Variants in COL11A2 observed in about 807,000 individuals in gnomAD.
The protein encoded by COL11A2 is collagen alpha-2(XI) chain.
A neutral mutation model predicts 273.4 loss-of-function variants in COL11A2; 116 were observed. The observed-to-expected ratio is 0.42, with a 90% CI of 0.36 to 0.49. COL11A2 has a LOEUF of 0.49. Among genes scored for constraint, COL11A2 ranks in the 20% least tolerant of loss-of-function variants. The pLI, the probability that COL11A2 is intolerant of heterozygous loss-of-function variation, is 0.00. For synonymous variants in COL11A2, 782 were observed against 864.2 expected (o/e 0.90, Z 1.67); for missense variants, 1,866 against 2,309.0 (o/e 0.81, Z 3.93).
In COL11A2 at chr6:33,164,443, C is replaced by T; in HGVS notation, c.4894G>A (p.Val1632Met). The change falls in exon 65 of 66, where the codon GTG becomes ATG. Residue 1632 changes from valine to methionine, a missense_variant. Transcript: ENST00000341947. The surrounding 1 kb of genome is among the most constrained non-coding windows in gnomAD (Gnocchi z 4.7). ...AGGAAGGTGAGCTGGACCACACCCA[C>T]TGGGGAGCCCTCTGAGTCCACGTAA... ...FSYVDSEGSP[V>M]GVVQLTFLRL... is the part of the protein sequence containing the mutation. 6.3e-7 allele frequency: 1 copy of T among 1,575,996 alleles called. No individual in the cohort carries two copies. The highest frequency in any genetic ancestry group is 8.6e-7 in the Non-Finnish European group (1 of 1,160,086).
At chr6:33,172,687 T>C (rs1583317451) in intron 38 of COL11A2, 50 bp from the exon 39 acceptor site, 1 of 1,544,482 alleles carries the variant, frequency 6.5e-7, no homozygotes, top group Non-Finnish European at 8.9e-7. Flanking sequence ...CATCTCGCTG[T>C]CTGCCAGAAG....
In COL11A2 at chr6:33,164,576, G is replaced by T; in HGVS notation, c.4864-103C>A. Reference sequence around the variant, plus strand: ...GAGCATCTACGGCACCAGGACAGCTGAGCCAGAGTCATGAGCAGGGAATGG... The same window carrying T: ...GAGCATCTACGGCACCAGGACAGCTTAGCCAGAGTCATGAGCAGGGAATGG... On this transcript the variant is annotated intron_variant, in intron 64 of 65. Coordinates refer to ENST00000341947, the MANE Select transcript of COL11A2 (RefSeq NM_080680.3). This position sits in a 1 kb window ranked among gnomAD's most constrained non-coding sequence, Gnocchi z 4.7. The T allele has an allele frequency of 9.9e-7, 1 of 1,012,802 alleles. No individual in the cohort carries two copies. 62.7% of individuals were successfully genotyped at this position (1,012,802 alleles called of 1,614,324 possible).
Position 33,173,826 on chromosome 6 carries a change from G to A in COL11A2, c.2583+47C>T, listed in dbSNP as rs779799467. ...AGGTCAGGATGTTGAGGGAGAGCTG[G>A]GGCTGAGTGGGCAGGGGGCAGTTGG... is the stretch of plus-strand genomic sequence containing the variant. On this transcript the variant is annotated intron_variant, in intron 34 of 65. Transcript: ENST00000341947. This position sits in a 1 kb window ranked among gnomAD's most constrained non-coding sequence, Gnocchi z 6.3. 6.2e-7 allele frequency: 1 copy of A among 1,612,760 alleles called. No homozygotes were observed. The highest frequency in any genetic ancestry group is 1.1e-5 in the South Asian group (1 of 91,068).
rs1369015834 is a variant in COL11A2 at position 33,164,938 on chromosome 6, C to T, written c.4777G>A (p.Gly1593Ser). The stretch of plus-strand genomic sequence containing the variant: ...ACTCGGAAGGCATCCCGAGCACAGC[C>T]CTGGTTGGGGTCGACCCAGTACTCT... ...DGEYWVDPNQ[G>S]CARDAFRVFC... Residue 1593 changes from glycine to serine, a missense_variant, in exon 64 of 66, where the codon GGC becomes AGC. Transcript: ENST00000341947. This position sits in a 1 kb window ranked among gnomAD's most constrained non-coding sequence, Gnocchi z 4.7. The T allele has an allele frequency of 6.3e-7, 1 of 1,578,996 alleles. No individual in the cohort carries two copies. Among genetic ancestry groups the T allele is most frequent in the Non-Finnish European group, 8.6e-7 (1 of 1,161,014 alleles).
At position 33,179,700 on chromosome 6, in the gene COL11A2, G is replaced by A. The variant is rs368415304; in HGVS notation, c.1446+19C>T. 1.7e-5 allele frequency: 27 copies of A among 1,610,456 alleles called. No individual in the cohort carries two copies. The highest frequency in any genetic ancestry group is 2.7e-5 in the African/African-American group (2 of 74,904). On this transcript the variant is annotated intron_variant, in intron 13 of 65. Coordinates refer to ENST00000341947, the MANE Select transcript of COL11A2 (RefSeq NM_080680.3). This position sits in a 1 kb window ranked among gnomAD's most constrained non-coding sequence, Gnocchi z 6.4. ...TGCCCCCCAGAGCCTTCCCTTTCCA[G>A]GGAAGCAGCCCCACTCACCCTCGCC...
chr6:33,171,376 G>C, intron 43 of COL11A2, 52 bp from the exon 44 acceptor site: 1 of 1,612,406 alleles, frequency 6.2e-7, no homozygotes, highest in Non-Finnish European at 8.5e-7. Flanking sequence ...GGTAGAGTGG[G>C]AAGGATGACA....
chr6:33,171,239 G>A (rs1562328972), intron 44 of COL11A2, 32 bp downstream of exon 44: 1 of 1,614,176 alleles, frequency 6.2e-7, no homozygotes, highest in Non-Finnish European at 8.5e-7. Context: ...TTAAAGGCCA[G>A]GAGGTCAGAA....
Position 33,176,063 on chromosome 6 carries a change from C to G in COL11A2, c.2221G>C (p.Asp741His), listed in dbSNP as rs1368421745. The G allele has an allele frequency of 1.9e-6, 3 of 1,612,920 alleles. No homozygotes were observed. The highest frequency in any genetic ancestry group is 2.5e-6 in the Non-Finnish European group (3 of 1,180,038). ...LKGHKGEKGE[D>H]GFPGFKGDIG... is the part of the protein sequence containing the mutation. ...TCACCTTTGAACCCAGGAAAGCCAT[C>G]CTCACCCTGAGAAAGATAGAGGTGA... is the stretch of plus-strand genomic sequence containing the variant. The change falls in exon 29 of 66, where the codon GAT becomes CAT. Residue 741 changes from aspartate (D) to histidine (H), a missense_variant. Transcript: ENST00000341947. This position sits in a 1 kb window ranked among gnomAD's most constrained non-coding sequence, Gnocchi z 4.9.
At position 33,176,078 on chromosome 6, in the gene COL11A2, G is replaced by C. The variant is rs373659846; in HGVS notation, c.2215-9C>G. The C allele has an allele frequency of 3.7e-6, 6 of 1,612,928 alleles. No individual in the cohort carries two copies. Among genetic ancestry groups the C allele is most frequent in the Non-Finnish European group, 5.1e-6 (6 of 1,180,010 alleles). On this transcript the variant is annotated splice_polypyrimidine_tract_variant and intron_variant, in intron 28 of 65. Transcript: ENST00000341947. The surrounding 1 kb of genome is among the most constrained non-coding windows in gnomAD (Gnocchi z 4.9). Reference sequence around the variant, plus strand: ...GGAAAGCCATCCTCACCCTGAGAAAGATAGAGGTGAGAGGGCACCACAGAT... The same window carrying C: ...GGAAAGCCATCCTCACCCTGAGAAACATAGAGGTGAGAGGGCACCACAGAT...
In COL11A2 at chr6:33,169,146, T is replaced by G; in HGVS notation, c.3799-138A>C. 1.2e-6 allele frequency: 1 copy of G among 839,932 alleles called. No individual in the cohort carries two copies. Among genetic ancestry groups the G allele is most frequent in the Non-Finnish European group, 1.9e-6 (1 of 530,772 alleles). The allele number at this position is 839,932 out of a possible 1,614,324, so 52.0% of individuals were successfully genotyped here. A position where few individuals can be genotyped will look rare whatever the true frequency, so the allele number is the denominator to read the frequency against. ...CCAGGAAGAGGTCTCCTGCACCCCT[T>G]TCCCTACCACGTGCACTGCGTGTTG... On this transcript the variant is annotated intron_variant, in intron 51 of 65. Transcript: ENST00000341947. The surrounding 1 kb of genome is among the most constrained non-coding windows in gnomAD (Gnocchi z 5.5).
chr6:33,175,392 C>T (rs1770754966), intron 30 of COL11A2, 182 bp downstream of exon 30: 2 of 700,928 alleles, frequency 2.9e-6, no homozygotes, highest in Admixed American at 2.0e-5. Flanking sequence ...TTTTCCCTGA[C>T]TTCTTATATA....
chr6:33,173,969 C>A lies in COL11A2; in HGVS notation c.2529+42G>T, dbSNP rs778065384. On this transcript the variant is annotated intron_variant, in intron 33 of 65. Transcript: ENST00000341947. The surrounding 1 kb of genome is among the most constrained non-coding windows in gnomAD (Gnocchi z 6.3). Reference sequence around the variant, plus strand: ...GTTGTCAGAGAAACCCAAATGCCCCCCTCTGGACCTTGAGCCACCTGTTTC... The same window carrying A: ...GTTGTCAGAGAAACCCAAATGCCCCACTCTGGACCTTGAGCCACCTGTTTC... The A allele has an allele frequency of 3.1e-6, 5 of 1,613,954 alleles. No individual in the cohort carries two copies. In the Admixed American group the frequency reaches 5.0e-5, roughly 16 times the overall value.
Position 33,176,593 on chromosome 6 carries a change from T to A in COL11A2, c.2116-107A>T. ...AACAACATTGCTGTCTGGGTAGGGTTACGGGGCACAGGAATTGAGAATGTG... is the reference window on the plus strand; with the variant it reads ...AACAACATTGCTGTCTGGGTAGGGTAACGGGGCACAGGAATTGAGAATGTG... On this transcript the variant is annotated intron_variant, in intron 26 of 65. Coordinates refer to ENST00000341947, the MANE Select transcript of COL11A2 (RefSeq NM_080680.3). This position sits in a 1 kb window ranked among gnomAD's most constrained non-coding sequence, Gnocchi z 4.9. 7.1e-7 allele frequency: 1 copy of A among 1,418,178 alleles called. No homozygotes were observed. Among genetic ancestry groups the A allele is most frequent in the Non-Finnish European group, 9.9e-7 (1 of 1,010,136 alleles). 87.8% of individuals were successfully genotyped at this position (1,418,178 alleles called of 1,614,324 possible). A position where few individuals can be genotyped will look rare whatever the true frequency, so the allele number is the denominator to read the frequency against.
chr6:33,191,807 C>T (rs1773142615), intron 1 of COL11A2, among the ~76,000 whole-genome samples: 1 of 152,258 alleles, frequency 6.6e-6, no homozygotes, highest in African/African-American at 2.4e-5. Flanking sequence ...CCTCACCCAT[C>T]AACATTGGCG....
chr6:33,181,997 G>A (rs772082327), intron 8 of COL11A2, among the ~76,000 whole-genome samples: 4 of 152,200 alleles, frequency 2.6e-5, no homozygotes, highest in African/African-American at 4.8e-5. Context: ...AAGCTAGGCC[G>A]GGCGAGGTGG....
In COL11A2 at chr6:33,170,522, G is replaced by C. The variant is rs768375732; in HGVS notation, c.3528+35C>G. On this transcript the variant is annotated intron_variant, in intron 47 of 65. Coordinates refer to ENST00000341947, the MANE Select transcript of COL11A2 (RefSeq NM_080680.3). The surrounding 1 kb of genome is among the most constrained non-coding windows in gnomAD (Gnocchi z 4.3). ...GGCTGGCCAGGGAGGGGGGTGACTA[G>C]TATGGTGGCTAGGGTCAGTAGGGGT... 3.7e-6 allele frequency: 6 copies of C among 1,610,850 alleles called. No homozygotes were observed. In the Admixed American group the frequency reaches 8.3e-5, roughly 22 times the overall value.
chr6:33,185,144 CCG>C, intron 6 of COL11A2, 90 bp from the exon 7 acceptor site: 1 of 947,552 alleles, frequency 1.1e-6, no homozygotes, highest in South Asian at 1.4e-5. Flanking sequence ...CACCTGTCCC[CCG>C]AGGGCAGGGT....
chr6:33,185,888 G>A, intron 5 of COL11A2, 110 bp from the exon 6 acceptor site: 1 of 434,706 alleles, frequency 2.3e-6, no homozygotes, highest in Non-Finnish European at 4.7e-6. Context: ...GGGAAACGGG[G>A]GAGGTGTGGA....
Position 33,170,445 on chromosome 6 carries a change from AGAG to A in COL11A2, c.3529-69_3529-67del, listed in dbSNP as rs1769873022. The A allele has an allele frequency of 1.9e-6, 3 of 1,560,230 alleles. No individual in the cohort carries two copies. Among genetic ancestry groups the A allele is most frequent in the Non-Finnish European group, 2.6e-6 (3 of 1,143,034 alleles). On this transcript the variant is annotated intron_variant, in intron 47 of 65. Coordinates refer to ENST00000341947, the MANE Select transcript of COL11A2 (RefSeq NM_080680.3). The surrounding 1 kb of genome is among the most constrained non-coding windows in gnomAD (Gnocchi z 4.3). ...AGATGGCTGAGCATGAATGGTGGAG[AGAG>A]GAGGAGGAGCAGCCAGGCCAGGGAG...
Sources: gnomAD v4.1 joint callset for allele counts (sites outside exome capture counted in the v4.1 genomes callset) on GRCh38, gnomAD v4.1.1 for gene constraint, Gnocchi (gnomAD v3.1) non-coding constraint, MANE v1.5 for transcripts, NCBI Gene and HGNC (gene_info 2026-07-23, HGNC 2026-07-21) for gene names.